The following QRICH2 variants were observed in gnomAD, a reference collection of about 807,000 sequenced individuals.
The protein encoded by QRICH2 is glutamine rich 2, also known as glutamine-rich protein 2.
In QRICH2, 119 loss-of-function variants were observed where a neutral mutation model predicts 168.3. The observed-to-expected ratio is 0.71, with a 90% CI of 0.61 to 0.82. The LOEUF (loss-of-function observed/expected upper bound fraction) is 0.82, where lower values mean the gene tolerates loss of function less well. Among genes scored for constraint, QRICH2 ranks in the 40% least tolerant of loss-of-function variants. The probability of loss-of-function intolerance (pLI) is 0.00; values close to 1 mark genes in which losing one functional copy is unlikely to be tolerated. For synonymous variants in QRICH2, 894 were observed against 951.2 expected (o/e 0.94, Z 1.11); for missense variants, 2,241 against 2,491.6 (o/e 0.90, Z 2.14).
At position 76,308,106 on chromosome 17, in the gene QRICH2, C is replaced by T. The variant is rs2071019800; in HGVS notation, c.-108G>A. ...CGGGGGCCCTGCGAGGTCCTCGGGGCGCCCCTGCCCCGGGTCCGGCCGAGT... is the reference window on the plus strand; with the variant it reads ...CGGGGGCCCTGCGAGGTCCTCGGGGTGCCCCTGCCCCGGGTCCGGCCGAGT... On this transcript the variant is annotated 5_prime_UTR_variant, in exon 1 of 19. Coordinates refer to ENST00000680821, the MANE Select transcript of QRICH2 (RefSeq NM_001388453.1). 2 of 1,219,992 alleles carry T rather than the reference C, an allele frequency of 1.6e-6. No individual in the cohort carries two copies. Among genetic ancestry groups the T allele is most frequent in the Non-Finnish European group, 2.0e-6 (2 of 982,590 alleles). 75.6% of individuals were successfully genotyped at this position (1,219,992 alleles called of 1,614,324 possible). A position where few individuals can be genotyped will look rare whatever the true frequency, so the allele number is the denominator to read the frequency against.
At chr17:76,287,098 G>T in intron 7 of QRICH2, 94 bp downstream of exon 7, 2 of 665,532 alleles carry the variant, frequency 3.0e-6, no homozygotes, top group Non-Finnish European at 5.5e-6. Flanking sequence ...ATGATGGGAG[G>T]GACCTAGTTT....
At position 76,274,229 on chromosome 17, in the gene QRICH2, G is replaced by A. The variant is rs1487860916; in HGVS notation, c.5514C>T (p.Ser1838=). 1.9e-6 allele frequency: 3 copies of A among 1,597,806 alleles called. No individual in the cohort carries two copies. The South Asian group carries it at 3.4e-5, about 18-fold the overall frequency. Residue 1838 remains serine (S), a synonymous_variant, in exon 19 of 19, where the codon TCC becomes TCT. Transcript: ENST00000680821. ...VSSRQQKDRP[S]SEGRLSQPNT... is the part of the protein sequence containing the mutation. ...TCGGCTGGGAGAGACGGCCCTCGGA[G>A]GAAGGTCTATCTTTCTGTTGACGAG...
intron 13 of QRICH2, 86 bp downstream of exon 13, chr17:76,279,277 A>T: frequency 7.3e-7 from 1 of 1,377,308 alleles, no homozygotes. Flanking sequence ...CACATGAAAG[A>T]AAGGGAGAGG....
At position 76,282,072 on chromosome 17, in the gene QRICH2, G is replaced by A; in HGVS notation, c.4055C>T (p.Ser1352Phe). ...CATGCTCATGGACAGGAGCGTGGAG[G>A]AGGAGGTCAGCATGCTCTCAATGAT... ...RMIIESMLTS[S>F]STLLSMSMAP... is the part of the protein sequence containing the mutation. The change falls in exon 8 of 19, where the codon TCC (serine) becomes TTC (phenylalanine). Residue 1352 changes from serine (S) to phenylalanine (F), a missense_variant. Physicochemically the swap from Ser to Phe is radical, Grantham distance 155 (BLOSUM62 -2). Transcript: ENST00000680821. 6.2e-7 allele frequency: 1 copy of A among 1,611,608 alleles called. No homozygotes were observed. Among genetic ancestry groups the A allele is most frequent in the South Asian group, 1.1e-5 (1 of 91,002 alleles).
chr17:76,306,519 G>A (rs557912460), intron 1 of QRICH2, among the ~76,000 whole-genome samples: 60 of 152,276 alleles, frequency 3.9e-4, no homozygotes, highest in African/African-American at 1.4e-3. Context: ...GCTGACCTGC[G>A]TTGCTTCCTG....
chr17:76,278,650 C>A (rs1316468940), intron 14 of QRICH2, among the ~76,000 whole-genome samples: 1 of 152,250 alleles, frequency 6.6e-6, no homozygotes, highest in African/African-American at 2.4e-5. Context: ...TGGCTGAGCC[C>A]ACCCTCTGGC....
chr17:76,306,338 C>A (rs1281963327), intron 1 of QRICH2, among the ~76,000 whole-genome samples: 1 of 152,116 alleles, frequency 6.6e-6, no homozygotes, highest in African/African-American at 2.4e-5. Flanking sequence ...GCGGCCAGGG[C>A]TCCCCTGCTG....
chr17:76,278,664 G>A (rs894261270), intron 14 of QRICH2, among the ~76,000 whole-genome samples: 1 of 152,248 alleles, frequency 6.6e-6, no homozygotes, highest in African/African-American at 2.4e-5. Context: ...CTCTGGCTGA[G>A]CTATACCGGA....
intron 7 of QRICH2, 131 bp downstream of exon 7, chr17:76,287,060 AC>A: frequency 5.8e-6 from 2 of 343,196 alleles, no homozygotes; most frequent in Admixed American, 3.5e-5. Flanking sequence ...ACACACACAC[AC>A]ACACACACAC....
chr17:76,293,174 G>A lies in QRICH2; in HGVS notation c.1553C>T (p.Pro518Leu). The A allele has an allele frequency of 6.2e-7, 1 of 1,614,214 alleles. No individual in the cohort carries two copies. Among genetic ancestry groups the A allele is most frequent in the South Asian group, 1.1e-5 (1 of 91,090 alleles). The change falls in exon 4 of 19, where the codon CCT becomes CTT. Residue 518 changes from proline (P) to leucine (L), a missense_variant. By Grantham distance (98) the Pro-to-Leu change is moderately conservative. This residue lies in a region of QRICH2 where 2,047 missense variants were observed against 2,303.8 expected (regional missense o/e 0.89). Transcript: ENST00000680821. Reference protein sequence around the residue: ...PGIDQQGLTLPVVDQHGLVLP... With the variant: ...PGIDQQGLTLLVVDQHGLVLP... ...AACCAGGCCATGTTGATCGACGACAGGCAATGTCAATCCTTGCTGGTCTAT... is the reference window on the plus strand; with the variant it reads ...AACCAGGCCATGTTGATCGACGACAAGCAATGTCAATCCTTGCTGGTCTAT...
intron 12 of QRICH2, among the ~76,000 whole-genome samples, chr17:76,279,700 G>C (rs1214709271): frequency 6.6e-6 from 1 of 152,154 alleles, no homozygotes; most frequent in Admixed American, 6.5e-5. Flanking sequence ...TGGAATTCAA[G>C]CCTACCACGG....
Position 76,276,010 on chromosome 17 carries a change from C to T in QRICH2, c.5354-63G>A, listed in dbSNP as rs545520616. On this transcript the variant is annotated intron_variant, in intron 17 of 18. Coordinates refer to ENST00000680821, the MANE Select transcript of QRICH2 (RefSeq NM_001388453.1). ...AGCGGTGAGAGCTCTGTGGGAACCC[C>T]TGGGGGTGGGGAGAGGGCCGCAGGG... 29 of 1,579,106 alleles carry T rather than the reference C, an allele frequency of 1.8e-5. No homozygotes were observed. In the South Asian group the frequency reaches 3.0e-4, roughly 16 times the overall value.
At chr17:76,282,659 C>T (rs1184610197) in intron 7 of QRICH2, among the ~76,000 whole-genome samples, 1 of 152,208 alleles carries the variant, frequency 6.6e-6, no homozygotes, top group Non-Finnish European at 1.5e-5. Flanking sequence ...AAACCCCTTC[C>T]AGGGCAAGTG....
At position 76,291,851 on chromosome 17, in the gene QRICH2, C is replaced by A. The variant is rs151295247; in HGVS notation, c.2876G>T (p.Arg959Leu). Residue 959 changes from arginine (R) to leucine (L), a missense_variant, in exon 4 of 19, where the codon CGT becomes CTT. Physicochemically the swap from Arg to Leu is moderately radical, Grantham distance 102 (BLOSUM62 -2). This residue lies in a region of QRICH2 where 2,047 missense variants were observed against 2,303.8 expected (regional missense o/e 0.89). Transcript: ENST00000680821. ...HDLSQSGTYP[R>L]GLVQPGMDQY... ...ATCCATTCCTGGCTGCACCAGACCA[C>A]GTGGATATGTCCCAGATTGAGATAA... is the stretch of plus-strand genomic sequence containing the variant. 1 of 1,614,116 alleles carries A rather than the reference C, an allele frequency of 6.2e-7. No homozygotes were observed. Among genetic ancestry groups the A allele is most frequent in the South Asian group, 1.1e-5 (1 of 91,082 alleles).
In QRICH2 at chr17:76,304,439, C is replaced by T. The variant is rs139449389; in HGVS notation, c.681G>A (p.Thr227=). 2.9e-4 allele frequency: 463 copies of T among 1,613,332 alleles called. 1 individual carries two copies. The highest frequency in any genetic ancestry group is 8.8e-4 in the South Asian group (80 of 91,048). The change falls in exon 3 of 19, where the codon ACG becomes ACA. Residue 227 remains threonine (T), a synonymous_variant. Transcript: ENST00000680821. ...VTWEELEQAI[T]DGWRASQAGS... is the part of the protein sequence containing the mutation. ...CCGCTTGTGAGGCTCTCCAGCCGTC[C>T]GTAATCGCCTGCTCCAGCTCTTCCC...
intron 4 of QRICH2, among the ~76,000 whole-genome samples, 164 bp downstream of exon 4, chr17:76,290,851 T>C (rs981377758): frequency 1.3e-5 from 2 of 152,126 alleles, no homozygotes; most frequent in African/African-American, 4.8e-5. Context: ...GCCCACCCAT[T>C]TTTTTGGACT....
intron 3 of QRICH2, among the ~76,000 whole-genome samples, chr17:76,303,872 C>CAAAAAAA (rs67296304): frequency 1.4e-5 from 1 of 71,686 alleles, no homozygotes; most frequent in Non-Finnish European, 2.8e-5. Flanking sequence ...AACTCTGTCT[C>CAAAAAAA]AAAAAAAAAA....
At chr17:76,282,198 T>C in intron 7 of QRICH2, 83 bp from the exon 8 acceptor site, 1 of 1,480,828 alleles carries the variant, frequency 6.8e-7, no homozygotes, top group Non-Finnish European at 9.0e-7. Flanking sequence ...GCCCCTAGCC[T>C]GTGTGCCTCT....
chr17:76,309,310 C>T (rs1412146932), upstream of QRICH2, among the ~76,000 whole-genome samples: 3 of 148,940 alleles, frequency 2.0e-5, no homozygotes, highest in Non-Finnish European at 4.4e-5. Flanking sequence ...GAGCCAAGAT[C>T]GCACCACTGC....
Sources: gnomAD v4.1 joint callset for allele counts (sites outside exome capture counted in the v4.1 genomes callset) on GRCh38, gnomAD v4.1.1 for gene constraint, gnomAD v4.1.1 regional missense constraint, MANE v1.5 for transcripts, NCBI Gene and HGNC (gene_info 2026-07-23, HGNC 2026-07-21) for gene names.